The following FAM156A variants were observed in gnomAD, a reference collection of about 807,000 sequenced individuals.
FAM156A encodes protein FAM156A/FAM156B.
At chrX:52,980,524 C>T (rs1444719280) in intron 1 of FAM156A, among the ~76,000 whole-genome samples, 1 of 111,724 alleles carries the variant, frequency 9.0e-6, no homozygotes, top group African/African-American at 3.3e-5. Flanking sequence ...TCCCTGAGTC[C>T]TCAGGATGGG....
chrX:52,991,325 C>T (rs999094830), intron 1 of FAM156A, among the ~76,000 whole-genome samples: 2 of 110,832 alleles, frequency 1.8e-5, no homozygotes, highest in African/African-American at 6.6e-5. Context: ...GTTCTTATGT[C>T]CAAAGGCAGG....
chrX:52,973,484 A>C (rs1556791319), intron 1 of FAM156A, among the ~76,000 whole-genome samples: 4 of 109,735 alleles, frequency 3.6e-5, no homozygotes, highest in African/African-American at 1.3e-4. Context: ...AATGAATGTG[A>C]CATAAACATG....
At chrX:52,990,797 G>GAAAGAAAAGAAAAAAGAAAAGA (rs782204206) in intron 1 of FAM156A, among the ~76,000 whole-genome samples, 743 of 69,582 alleles carry the variant, frequency 0.011, 12 homozygotes, top group Non-Finnish European at 0.012. Flanking sequence ...GAAAAGAAAA[G>GAAAGAAAAGAAAAAAGAAAAGA]AAAGAAAAGA....
At chrX:52,975,046 A>G (rs1929343414) in intron 1 of FAM156A, among the ~76,000 whole-genome samples, 1 of 61,184 alleles carries the variant, frequency 1.6e-5, no homozygotes, top group African/African-American at 5.8e-5. Context: ...TCTCTGTTAA[A>G]CACATACACA....
intron 1 of FAM156A, among the ~76,000 whole-genome samples, chrX:52,988,253 A>G (rs957548238): frequency 1.1e-4 from 12 of 110,323 alleles, no homozygotes; most frequent in South Asian, 3.7e-4. Flanking sequence ...CTCAAAAAAA[A>G]AAAAGAAAAG....
intron 1 of FAM156A, among the ~76,000 whole-genome samples, chrX:52,973,341 C>T (rs1481501304): frequency 9.1e-5 from 10 of 110,134 alleles, no homozygotes; most frequent in Non-Finnish European, 1.9e-5. Context: ...TGATTCAAAC[C>T]CCAACACCAA....
At chrX:52,980,869 GAGA>G (rs1929852565) in intron 1 of FAM156A, among the ~76,000 whole-genome samples, 2 of 104,773 alleles carry the variant, frequency 1.9e-5, no homozygotes, top group African/African-American at 7.0e-5. Context: ...GAGAGAGAGA[GAGA>G]GGCTGTGGGG....
chrX:52,979,541 C>T (rs947233932), intron 1 of FAM156A, among the ~76,000 whole-genome samples: 3 of 111,190 alleles, frequency 2.7e-5, no homozygotes, highest in Non-Finnish European at 3.8e-5. Context: ...TCTCCTTCTC[C>T]CACAGCACAC....
chrX:52,980,699 G>C (rs1308752764), intron 1 of FAM156A, among the ~76,000 whole-genome samples: 1 of 111,069 alleles, frequency 9.0e-6, no homozygotes, highest in Non-Finnish European at 1.9e-5. Flanking sequence ...TAGGAGCCAT[G>C]CAACAGAGTG....
At chrX:52,973,745 C>T (rs1556791402) in intron 1 of FAM156A, among the ~76,000 whole-genome samples, 1 of 111,865 alleles carries the variant, frequency 8.9e-6, no homozygotes, top group African/African-American at 3.3e-5. Flanking sequence ...TCACTGCAAC[C>T]TCCGCCTTCC....
At chrX:52,979,848 T>C (rs1237671250) in intron 1 of FAM156A, among the ~76,000 whole-genome samples, 1 of 112,712 alleles carries the variant, frequency 8.9e-6, no homozygotes, top group East Asian at 2.8e-4. Context: ...GTTACTGTGC[T>C]GTTTCCTCTG....
At chrX:52,984,222 AT>A (rs1930108631) in intron 1 of FAM156A, among the ~76,000 whole-genome samples, 1 of 111,917 alleles carries the variant, frequency 8.9e-6, no homozygotes, top group Non-Finnish European at 1.9e-5. Context: ...AAGTCACAGA[AT>A]TCGTTCCTCC....
intron 1 of FAM156A, among the ~76,000 whole-genome samples, chrX:52,983,746 C>T (rs191391802): frequency 1.2e-4 from 14 of 112,265 alleles, no homozygotes; most frequent in Non-Finnish European, 2.4e-4. Context: ...CCACAATCTC[C>T]GGCATGGCAA....
At chrX:52,994,925 A>C (rs1380738882) in intron 1 of FAM156A, among the ~76,000 whole-genome samples, 1 of 111,333 alleles carries the variant, frequency 9.0e-6, no homozygotes, top group East Asian at 2.8e-4. Flanking sequence ...GGCTGCAGTG[A>C]GCCATGATCA....
intron 1 of FAM156A, among the ~76,000 whole-genome samples, chrX:52,985,291 ACTT>A (rs1181095128): frequency 1.8e-5 from 2 of 111,804 alleles, no homozygotes; most frequent in Non-Finnish European, 3.8e-5. Flanking sequence ...CAATCCATAT[ACTT>A]CTAAGTAATC....
At chrX:52,983,919 A>G (rs1930086165) in intron 1 of FAM156A, among the ~76,000 whole-genome samples, 1 of 111,431 alleles carries the variant, frequency 9.0e-6, no homozygotes, top group Admixed American at 9.5e-5. Flanking sequence ...ATCACCCATT[A>G]CTCCTTCATC....
At chrX:52,984,231 T>C (rs1218641488) in intron 1 of FAM156A, among the ~76,000 whole-genome samples, 1 of 111,857 alleles carries the variant, frequency 8.9e-6, no homozygotes, top group African/African-American at 3.3e-5. Flanking sequence ...AATTCGTTCC[T>C]CCAGAAATCA....
intron 1 of FAM156A, among the ~76,000 whole-genome samples, chrX:52,975,259 G>C (rs1176981495): frequency 1.8e-5 from 2 of 111,591 alleles, no homozygotes; most frequent in African/African-American, 6.5e-5. Flanking sequence ...AGAGCTTTCT[G>C]GGTCTGTGGG....
chrX:52,986,126 GTA>G lies in FAM156A; in HGVS notation c.-434+9178_-434+9179del, dbSNP rs1427001959. On this transcript the variant is annotated intron_variant, in intron 1 of 4. Coordinates refer to the FAM156A transcript ENST00000610625. ...AGCAGCATGATTTATAATCCTTTGG[GTA>G]TATACCCAGTAATGGGATGGCTGGG... Among the ~76,000 whole-genome samples, 10 of 109,804 alleles carry G rather than the reference GTA, an allele frequency of 9.1e-5. No homozygotes were observed. The East Asian group carries it at 2.8e-3, about 31-fold the overall frequency.
Sources: allele counts gnomAD v4.1 joint callset (sites outside exome capture counted in the v4.1 genomes callset), GRCh38; gene constraint gnomAD v4.1.1; transcripts MANE v1.5; gene names NCBI Gene and HGNC (gene_info 2026-07-23, HGNC 2026-07-21).